The following CCDC181 variants were observed in gnomAD, a reference collection of about 807,000 sequenced individuals.
CCDC181 encodes coiled-coil domain containing 181.
In CCDC181, 35 loss-of-function variants were observed where a neutral mutation model predicts 58.7. The observed-to-expected ratio is 0.60, with a 90% confidence interval of 0.46 to 0.79. CCDC181 has a LOEUF of 0.79. Among genes scored for constraint, CCDC181 ranks in the 30% least tolerant of loss-of-function variants. CCDC181 has a pLI of 0.00. For missense variants in CCDC181, 517 were observed against 583.9 expected, an observed-to-expected ratio of 0.89 and a Z score of 1.18; for synonymous variants, 183 against 197.5, an observed-to-expected ratio of 0.93 and a Z score of 0.62.
chr1:169,419,888 G>A (rs997226510), intron 3 of CCDC181, among the ~76,000 whole-genome samples: 1 of 152,110 alleles, frequency 6.6e-6, no homozygotes. Context: ...GCCCAACCCA[G>A]AAAATATGGG....
intron 1 of CCDC181, among the ~76,000 whole-genome samples, chr1:169,425,292 G>T (rs1656666468): frequency 6.6e-6 from 1 of 151,962 alleles, no homozygotes; most frequent in Admixed American, 6.6e-5. Flanking sequence ...GCTTCGCTTT[G>T]TTCTCCCCAA....
chr1:169,417,585 G>C (rs1211058548), intron 4 of CCDC181, among the ~76,000 whole-genome samples: 1 of 152,022 alleles, frequency 6.6e-6, no homozygotes, highest in African/African-American at 2.4e-5. Context: ...TCATCACATA[G>C]TTATTGAGAT....
chr1:169,397,199 G>A (rs375714108), intron 5 of CCDC181, 38 bp downstream of exon 5: 115 of 1,486,766 alleles, frequency 7.7e-5, no homozygotes, highest in Non-Finnish European at 9.8e-5. Flanking sequence ...ATGAACATGA[G>A]GAAGGAGGAG....
intron 2 of CCDC181, among the ~76,000 whole-genome samples, chr1:169,446,515 C>A (rs999747220): frequency 6.6e-6 from 1 of 152,152 alleles, no homozygotes; most frequent in Non-Finnish European, 1.5e-5. Flanking sequence ...AGATTACTGG[C>A]TTTGAATATT....
chr1:169,417,501 AC>A (rs1485815816), intron 4 of CCDC181, among the ~76,000 whole-genome samples: 2 of 151,486 alleles, frequency 1.3e-5, no homozygotes, highest in African/African-American at 4.9e-5. Context: ...GGGGCACACC[AC>A]CCCCCCAACA....
intron 2 of CCDC181, among the ~76,000 whole-genome samples, chr1:169,459,557 T>G (rs1270036675): frequency 6.6e-6 from 1 of 151,942 alleles, no homozygotes; most frequent in African/African-American, 2.4e-5. Flanking sequence ...GAGCCCAAAA[T>G]GCAGAGAAAA....
intron 2 of CCDC181, among the ~76,000 whole-genome samples, chr1:169,457,760 CAA>C (rs1219228406): frequency 6.6e-6 from 1 of 151,872 alleles, no homozygotes; most frequent in Non-Finnish European, 1.5e-5. Context: ...AATAAATATA[CAA>C]AAAAGAACAT....
intron 4 of CCDC181, among the ~76,000 whole-genome samples, chr1:169,405,097 T>G (rs570990789): frequency 1.3e-5 from 2 of 152,268 alleles, no homozygotes; most frequent in South Asian, 4.1e-4. Context: ...GAATCCAACT[T>G]ACAAGGGATG....
At chr1:169,431,542 G>A (rs7542751), upstream of CCDC181, among the ~76,000 whole-genome samples, 40,682 of 152,152 alleles carry the variant, frequency 0.27, 6,764 homozygotes, top group Non-Finnish European at 0.38. Flanking sequence ...CAATTGCACT[G>A]TCAAAACCTA....
At chr1:169,401,319 G>GT (rs1388758763) in intron 4 of CCDC181, among the ~76,000 whole-genome samples, 1 of 152,224 alleles carries the variant, frequency 6.6e-6, no homozygotes, top group East Asian at 1.9e-4. Context: ...CCAGCACGGA[G>GT]TTTGAGATCT....
chr1:169,429,554 G>A (rs927411835), upstream of CCDC181, among the ~76,000 whole-genome samples: 3 of 152,162 alleles, frequency 2.0e-5, no homozygotes, highest in African/African-American at 7.2e-5. Flanking sequence ...CTGATCATTA[G>A]TGATGTTGAG....
At position 169,419,126 on chromosome 1, in the gene CCDC181, T is replaced by C; in HGVS notation, c.1102A>G (p.Lys368Glu). Residue 368 changes from lysine to glutamate, a missense_variant, in exon 4 of 6, where the codon AAA (lysine) becomes GAA (glutamate). Physicochemically the swap from Lys to Glu is moderately conservative, Grantham distance 56. Coordinates refer to ENST00000367806, the MANE Select transcript of CCDC181 (RefSeq NM_001300969.2). ...ERRKIEEEKE[K>E]KRENDIVFKA... ...AATACTATGTCATTCTCTCTCTTTT[T>C]TTCTTTCTCTTCTTCTATTTTTCGT... 6.2e-7 allele frequency: 1 copy of C among 1,607,262 alleles called. No homozygotes were observed. Among genetic ancestry groups the C allele is most frequent in the Non-Finnish European group, 8.5e-7 (1 of 1,178,398 alleles).
intron 4 of CCDC181, among the ~76,000 whole-genome samples, chr1:169,400,465 T>G (rs1307874783): frequency 1.3e-5 from 2 of 152,098 alleles, no homozygotes; most frequent in African/African-American, 2.4e-5. Context: ...TCACTGGATA[T>G]CTAAAGAAAC....
At chr1:169,429,485 T>C (rs1489024702), upstream of CCDC181, among the ~76,000 whole-genome samples, 1 of 152,210 alleles carries the variant, frequency 6.6e-6, no homozygotes, top group African/African-American at 2.4e-5. Flanking sequence ...TATTTTTTGC[T>C]TATGACCATT....
intron 2 of CCDC181, among the ~76,000 whole-genome samples, chr1:169,436,211 T>G (rs1474133150): frequency 6.6e-6 from 1 of 152,028 alleles, no homozygotes; most frequent in African/African-American, 2.4e-5. Context: ...AAGTAGGTAC[T>G]CTGACACCAG....
chr1:169,449,072 A>T (rs1271265070), intron 2 of CCDC181, among the ~76,000 whole-genome samples: 1 of 151,984 alleles, frequency 6.6e-6, no homozygotes, highest in Non-Finnish European at 1.5e-5. Flanking sequence ...TATTGTCTAT[A>T]TTTTTCCACT....
chr1:169,454,597 G>C (rs1273725162), intron 2 of CCDC181: 2 of 151,976 alleles, frequency 1.3e-5, no homozygotes, highest in Admixed American at 6.6e-5. Context: ...AGGGAAAGCA[G>C]GAGTATAATA....
At chr1:169,450,336 C>T (rs1657501518) in intron 2 of CCDC181, among the ~76,000 whole-genome samples, 1 of 152,140 alleles carries the variant, frequency 6.6e-6, no homozygotes, top group Admixed American at 6.6e-5. Context: ...TTTCATGTCT[C>T]CCAACTGAAA....
At chr1:169,416,268 G>A (rs2014878) in intron 4 of CCDC181, among the ~76,000 whole-genome samples, 4,859 of 152,186 alleles carry the variant, frequency 0.032, 95 homozygotes, top group South Asian at 0.061. Context: ...GGTGGGCCAC[G>A]CACTACACTG....
Sources: gnomAD v4.1 joint callset for allele counts (sites outside exome capture counted in the v4.1 genomes callset) on GRCh38, gnomAD v4.1.1 for gene constraint, MANE v1.5 for transcripts, NCBI Gene and HGNC (gene_info 2026-07-23, HGNC 2026-07-21) for gene names.